PRKN: variants seen among roughly 807,000 people sequenced by gnomAD.
PRKN encodes the protein E3 ubiquitin-protein ligase parkin.
Under a neutral mutation model 59.5 loss-of-function variants are expected in PRKN, and 56 were observed. The observed-to-expected ratio is 0.94, with a 90% CI of 0.76 to 1.18. PRKN has a LOEUF of 1.18. PRKN is among the 50% of genes most tolerant of loss of function. PRKN has a pLI of 0.00. For synonymous variants in PRKN, 250 were observed against 222.1 expected (o/e 1.13, Z -1.12); for missense variants, 657 against 596.4 (o/e 1.10, Z -1.06).
intron 1 of PRKN, among the ~76,000 whole-genome samples, chr6:162,451,710 G>A (rs942492189): frequency 1.3e-5 from 2 of 152,062 alleles, no homozygotes; most frequent in Non-Finnish European, 2.9e-5. Flanking sequence ...ATAAAGAATT[G>A]TTTTTAAATG....
intron 2 of PRKN, among the ~76,000 whole-genome samples, chr6:162,307,695 C>T (rs1191067613): frequency 6.6e-6 from 1 of 152,112 alleles, no homozygotes; most frequent in African/African-American, 2.4e-5. Flanking sequence ...ATGATGGAGA[C>T]ATGACCTTCA....
chr6:162,203,553 T>G (rs946606710), intron 3 of PRKN, among the ~76,000 whole-genome samples: 4 of 152,164 alleles, frequency 2.6e-5, no homozygotes, highest in African/African-American at 9.7e-5. Context: ...TGTCATGCTG[T>G]GACCTGGACA....
At chr6:161,840,950 T>C (rs1428301694) in intron 6 of PRKN, among the ~76,000 whole-genome samples, 2 of 152,066 alleles carry the variant, frequency 1.3e-5, no homozygotes, top group African/African-American at 4.8e-5. Flanking sequence ...GAAAAAGGAA[T>C]GCTTATACAC....
intron 7 of PRKN, among the ~76,000 whole-genome samples, chr6:161,646,110 A>G (rs113535178): frequency 4.1e-5 from 3 of 72,398 alleles, no homozygotes; most frequent in East Asian, 3.4e-4. Flanking sequence ...GAGGCGGCGT[A>G]TCAGTGACAG....
chr6:162,348,874 T>C (rs1455401986), intron 2 of PRKN, among the ~76,000 whole-genome samples: 3 of 152,006 alleles, frequency 2.0e-5, no homozygotes, highest in Non-Finnish European at 4.4e-5. Context: ...TAGATAAACA[T>C]GTAGGCAGAG....
intron 1 of PRKN, among the ~76,000 whole-genome samples, chr6:162,631,503 C>A (rs1354561361): frequency 6.6e-6 from 1 of 151,974 alleles, no homozygotes; most frequent in Non-Finnish European, 1.5e-5. Context: ...TTGTGAAGTG[C>A]CTGTTCATGT....
In PRKN at chr6:161,400,649, AT is replaced by A. The variant is rs148970372; in HGVS notation, c.1084-13773del. Among the ~76,000 whole-genome samples the A allele has an allele frequency of 2.6e-3, 379 of 148,016 alleles. No individual in the cohort carries two copies. Among genetic ancestry groups the A allele is most frequent in the East Asian group, 8.1e-3 (41 of 5,056 alleles). ...CGTATTCTAAGACAAAGAAATTCAG[AT>A]TTTTTTTTTTTCGAATAAAGGATGC... is the stretch of plus-strand genomic sequence containing the variant. On this transcript the variant is annotated intron_variant, in intron 9 of 11. Transcript: ENST00000366898. The surrounding 1 kb of genome is among the most constrained non-coding windows in gnomAD (Gnocchi z 4.2).
intron 4 of PRKN, among the ~76,000 whole-genome samples, chr6:162,099,996 G>A (rs56025249): frequency 0.1 from 15,674 of 152,260 alleles, 968 homozygotes; most frequent in African/African-American, 0.17. Flanking sequence ...AGTGTTTTTA[G>A]ATTCCACGTA....
rs138189979 is a variant in PRKN, at chr6:162,118,134, G to A, written c.535-63960C>T. 8.5e-3 allele frequency among the ~76,000 whole-genome samples: 1,291 copies of A among 151,684 alleles called. 17 individuals are homozygous for A. Among genetic ancestry groups the A allele is most frequent in the African/African-American group, 0.03 (1,241 of 41,360 alleles). ...TTTTAAAAATGAGTATGATTGGGCC[G>A]GGCGCAGTGGCTCACGCCTGTAATG... On this transcript the variant is annotated intron_variant, in intron 4 of 11. Transcript: ENST00000366898.
chr6:161,800,074 G>A (rs555235395), intron 6 of PRKN, among the ~76,000 whole-genome samples: 16 of 152,168 alleles, frequency 1.1e-4, no homozygotes, highest in Middle Eastern at 3.4e-3. Context: ...TTTTAAGTAG[G>A]GATGCAACAT....
At chr6:162,379,100 G>A (rs1786283489) in intron 2 of PRKN, among the ~76,000 whole-genome samples, 1 of 152,132 alleles carries the variant, frequency 6.6e-6, no homozygotes, top group Non-Finnish European at 1.5e-5. Context: ...TTTTAACCAA[G>A]TCAATGTTTT....
chr6:162,359,838 T>C (rs183363119), intron 2 of PRKN, among the ~76,000 whole-genome samples: 5 of 152,288 alleles, frequency 3.3e-5, no homozygotes, highest in African/African-American at 7.2e-5. Flanking sequence ...GCTAAACTAC[T>C]TCACTGTGGC....
Position 161,488,540 on chromosome 6 carries a change from A to C in PRKN, c.1083+60314T>G, listed in dbSNP as rs77031564. Reference sequence around the variant, plus strand: ...GGTCTTCCTCTGCCACGTAGGCTGAAGTGTGGTGGTGCCATCATAGCTCAC... The same window carrying C: ...GGTCTTCCTCTGCCACGTAGGCTGACGTGTGGTGGTGCCATCATAGCTCAC... On this transcript the variant is annotated intron_variant, in intron 9 of 11. Coordinates refer to ENST00000366898, the MANE Select transcript of PRKN (RefSeq NM_004562.3). The surrounding 1 kb of genome is among the most constrained non-coding windows in gnomAD (Gnocchi z 4.5). 8.0e-3 allele frequency among the ~76,000 whole-genome samples: 1,219 copies of C among 152,288 alleles called. 16 individuals are homozygous for C. Among genetic ancestry groups the C allele is most frequent in the African/African-American group, 0.028 (1,164 of 41,556 alleles).
rs1562448216 is a variant in PRKN, at chr6:161,436,331, G to GGGATGGGAGGGCAGAGAGCAGGGGGCA, written c.1084-49455_1084-49454insTGCCCCCTGCTCTCTGCCCTCCCATCC. Reference sequence around the variant, plus strand: ...GATGGGAGGGCAGAGAGGAGGAGGCGGGATGGGAGGGCCTGCTGTGTGCCC... The same window carrying GGGATGGGAGGGCAGAGAGCAGGGGGCA: ...GATGGGAGGGCAGAGAGGAGGAGGCGGGATGGGAGGGCAGAGAGCAGGGGGCAGGATGGGAGGGCCTGCTGTGTGCCC... On this transcript the variant is annotated intron_variant, in intron 9 of 11. Transcript: ENST00000366898. Among the ~76,000 whole-genome samples, 63 of 139,722 alleles carry GGGATGGGAGGGCAGAGAGCAGGGGGCA rather than the reference G, an allele frequency of 4.5e-4. 1 individual carries two copies. The highest frequency in any genetic ancestry group is 6.6e-4 in the Non-Finnish European group (43 of 65,364). 91.7% of individuals were successfully genotyped at this position (139,722 alleles called of 152,430 possible).
chr6:161,578,242 G>T lies in PRKN; in HGVS notation c.872-8826C>A, dbSNP rs1781208202. 1.3e-5 allele frequency among the ~76,000 whole-genome samples: 2 copies of T among 152,166 alleles called. No individual in the cohort carries two copies. The highest frequency in any genetic ancestry group is 4.1e-4 in the South Asian group (2 of 4,830). On this transcript the variant is annotated intron_variant, in intron 7 of 11. Transcript: ENST00000366898. This position sits in a 1 kb window ranked among gnomAD's most constrained non-coding sequence, Gnocchi z 4.2. ...CTGCAGATGAGAATTGAAAGCACCTGCATACACACAGCCTACCTACTGGGG... is the reference window on the plus strand; with the variant it reads ...CTGCAGATGAGAATTGAAAGCACCTTCATACACACAGCCTACCTACTGGGG...
intron 7 of PRKN, among the ~76,000 whole-genome samples, chr6:161,708,381 T>C (rs1786597315): frequency 6.6e-6 from 1 of 151,992 alleles, no homozygotes; most frequent in Admixed American, 6.5e-5. Context: ...TAAATATTAC[T>C]ACTCTTTCTC....
At position 161,545,068 on chromosome 6, in the gene PRKN, G is replaced by A. The variant is rs1779748132; in HGVS notation, c.1083+3786C>T. 1.2e-6 allele frequency: 1 copy of A among 825,108 alleles called. No individual in the cohort carries two copies. The highest frequency in any genetic ancestry group is 1.8e-5 in the African/African-American group (1 of 55,438). 51.1% of individuals were successfully genotyped at this position (825,108 alleles called of 1,614,324 possible). On this transcript the variant is annotated intron_variant, in intron 9 of 11. Transcript: ENST00000366898. This position sits in a 1 kb window ranked among gnomAD's most constrained non-coding sequence, Gnocchi z 4.1. ...TCTGGAGCCCAGAGCTCAACACATG[G>A]GTGTCTAGCTCCGAACAATTTTAAA... is the stretch of plus-strand genomic sequence containing the variant.
At position 161,550,223 on chromosome 6, in the gene PRKN, G is replaced by GA. The variant is rs1397776547; in HGVS notation, c.934-1221dup. On this transcript the variant is annotated intron_variant, in intron 8 of 11. Transcript: ENST00000366898. This position sits in a 1 kb window ranked among gnomAD's most constrained non-coding sequence, Gnocchi z 4.0. ...GGCGGAGGCAGAGAGAACAAGGAGG[G>GA]AAAAAAACAGAAGGTGAAGTTGGAG... Among the ~76,000 whole-genome samples the GA allele has an allele frequency of 6.6e-6, 1 of 152,038 alleles. No homozygotes were observed.
intron 9 of PRKN, among the ~76,000 whole-genome samples, chr6:161,469,547 AAG>A (rs60364166): frequency 0.029 from 3,430 of 116,596 alleles, 102 homozygotes; most frequent in African/African-American, 0.12. Flanking sequence ...GAACAAGAGA[AAG>A]AGAGAGAGAG....
Sources: allele counts gnomAD v4.1 joint callset (sites outside exome capture counted in the v4.1 genomes callset), GRCh38; gene constraint gnomAD v4.1.1; non-coding constraint Gnocchi (gnomAD v3.1); transcripts MANE v1.5; gene names NCBI Gene and HGNC (gene_info 2026-07-23, HGNC 2026-07-21).